The following SSH3 variants were observed in gnomAD, a reference collection of about 807,000 sequenced individuals.
SSH3 encodes the protein slingshot protein phosphatase 3, also known as protein phosphatase Slingshot homolog 3.
A neutral mutation model predicts 75.0 loss-of-function variants in SSH3; 67 were observed. The ratio of observed to expected loss-of-function variants is 0.89; its 90% confidence interval spans 0.73 to 1.10. The LOEUF (loss-of-function observed/expected upper bound fraction) is 1.10, where lower values mean the gene tolerates loss of function less well. Among genes scored for constraint, SSH3 ranks in the 50% least tolerant of loss-of-function variants. The probability of loss-of-function intolerance (pLI) is 0.00; values close to 1 mark genes in which losing one functional copy is unlikely to be tolerated. For synonymous variants in SSH3, 318 were observed against 349.2 expected (o/e 0.91, Z 1.00); for missense variants, 824 against 872.7 (o/e 0.94, Z 0.70).
chr11:67,310,140 C>T lies in SSH3; in HGVS notation c.1484C>T (p.Thr495Ile), dbSNP rs767037627. 4 of 1,614,220 alleles carry T rather than the reference C, an allele frequency of 2.5e-6. No individual in the cohort carries two copies. Among genetic ancestry groups the T allele is most frequent in the South Asian group, 1.1e-5 (1 of 91,088 alleles). ...GAGCACCCAGCCCCTGAAGTCTCTACACCATTCCCACCTCTTCCGCCAGAA... is the reference window on the plus strand; with the variant it reads ...GAGCACCCAGCCCCTGAAGTCTCTATACCATTCCCACCTCTTCCGCCAGAA... The part of the protein sequence containing the change: ...PEEHPAPEVS[T>I]PFPPLPPEPE... The change falls in exon 13 of 14, where the codon ACA becomes ATA. Residue 495 changes from threonine to isoleucine, a missense_variant. Thr to Ile is a moderately conservative substitution (Grantham distance 89, BLOSUM62 -1). Coordinates refer to ENST00000308127, the MANE Select transcript of SSH3 (RefSeq NM_017857.4).
intron 13 of SSH3, among the ~76,000 whole-genome samples, chr11:67,310,958 C>G (rs1427060536): frequency 2.0e-5 from 3 of 152,230 alleles, no homozygotes; most frequent in African/African-American, 4.8e-5. Flanking sequence ...CCAAGTCCTG[C>G]CTAAGTCAGC....
chr11:67,311,961 GT>G lies in SSH3; in HGVS notation c.*76del. 4 of 1,575,092 alleles carry G rather than the reference GT, an allele frequency of 2.5e-6. No individual in the cohort carries two copies. Among genetic ancestry groups the G allele is most frequent in the Non-Finnish European group, 3.4e-6 (4 of 1,165,018 alleles). On this transcript the variant is annotated 3_prime_UTR_variant, in exon 14 of 14. Coordinates refer to ENST00000308127, the MANE Select transcript of SSH3 (RefSeq NM_017857.4). ...TCCTTGGAGAAACACCCTCACGTCT[GT>G]TGCCGCACACATTCCTCTCAGCTCC...
At position 67,308,206 on chromosome 11, in the gene SSH3, C is replaced by G. The variant is rs1861301949; in HGVS notation, c.918C>G (p.Leu306=). 6.2e-7 allele frequency: 1 copy of G among 1,613,852 alleles called. No individual in the cohort carries two copies. The highest frequency in any genetic ancestry group is 8.5e-7 in the Non-Finnish European group (1 of 1,180,022). Residue 306 remains leucine (L), a synonymous_variant, in exon 9 of 14, where the codon CTC becomes CTG. Transcript: ENST00000308127. This position sits in a 1 kb window ranked among gnomAD's most constrained non-coding sequence, Gnocchi z 4.9. Reference sequence around the variant, plus strand: ...AGGCTCTGGAGCTGCGCCTGGGGCTCCCCCTCCAGCAGTACCGTGACTTCA... The same window carrying G: ...AGGCTCTGGAGCTGCGCCTGGGGCTGCCCCTCCAGCAGTACCGTGACTTCA... ...IRQALELRLG[L]PLQQYRDFID...
At chr11:67,305,512 G>A (rs866777764) in intron 3 of SSH3, among the ~76,000 whole-genome samples, 6 of 152,158 alleles carry the variant, frequency 3.9e-5, no homozygotes, top group South Asian at 2.1e-4. Flanking sequence ...TTGACAGGGC[G>A]AGGTCATGGC....
At chr11:67,310,784 AG>A (rs1861389055) in intron 13 of SSH3, among the ~76,000 whole-genome samples, 1 of 152,132 alleles carries the variant, frequency 6.6e-6, no homozygotes, top group Admixed American at 6.5e-5. Flanking sequence ...TCTCAGGGGC[AG>A]GGCTGCCTCC....
At position 67,310,119 on chromosome 11, in the gene SSH3, A is replaced by T. The variant is rs1474510766; in HGVS notation, c.1463A>T (p.His488Leu). 6.2e-7 allele frequency: 1 copy of T among 1,613,894 alleles called. No individual in the cohort carries two copies. Among genetic ancestry groups the T allele is most frequent in the Non-Finnish European group, 8.5e-7 (1 of 1,180,028 alleles). Residue 488 changes from histidine to leucine, a missense_variant, in exon 13 of 14, where the codon CAC (histidine) becomes CTC (leucine). Physicochemically the swap from His to Leu is moderately conservative, Grantham distance 99. Transcript: ENST00000308127. Reference protein sequence around the residue: ...QKVGGVSPEEHPAPEVSTPFP... With the variant: ...QKVGGVSPEELPAPEVSTPFP... ...GTGGGTGGGGTCTCCCCAGAGGAGC[A>T]CCCAGCCCCTGAAGTCTCTACACCA...
rs138820655 is a variant in SSH3, at chr11:67,307,597, C to T, written c.651C>T (p.Ser217=). ...AAGCATGTGAGGCAGCTCTAGGCAGCGGCCTTGTACCGGGTGGCAGTGCCC... is the reference window on the plus strand; with the variant it reads ...AAGCATGTGAGGCAGCTCTAGGCAGTGGCCTTGTACCGGGTGGCAGTGCCC... ...LHQACEAALG[S]GLVPGGSALT... Residue 217 remains serine (S), a synonymous_variant, in exon 7 of 14, where the codon AGC becomes AGT. Transcript: ENST00000308127. This position sits in a 1 kb window ranked among gnomAD's most constrained non-coding sequence, Gnocchi z 4.2. 1.0e-4 allele frequency: 169 copies of T among 1,613,518 alleles called. No individual in the cohort carries two copies. The African/African-American group carries it at 1.7e-3, about 16-fold the overall frequency.
In SSH3 at chr11:67,311,672, G is replaced by A. The variant is rs151106240; in HGVS notation, c.1765G>A (p.Val589Met). ...QLARTKGGQQ[V>M]DRGPQPALKS... ...TGCAAGGACCAAGGGAGGCCAGCAG[G>A]TGGACAGGGGGCCTCAGCCTGCCCT... The change falls in exon 14 of 14, where the codon GTG becomes ATG. Residue 589 changes from valine (V) to methionine (M), a missense_variant. By Grantham distance (21) the Val-to-Met change is conservative (BLOSUM62 1). Transcript: ENST00000308127. 7.6e-5 allele frequency: 123 copies of A among 1,614,010 alleles called. No individual in the cohort carries two copies. Among genetic ancestry groups the A allele is most frequent in the Non-Finnish European group, 9.9e-5 (117 of 1,180,044 alleles).
At position 67,312,196 on chromosome 11, in the gene SSH3, T is replaced by G; in HGVS notation, c.*309T>G. 4.6e-6 allele frequency: 2 copies of G among 430,626 alleles called. No homozygotes were observed. Among genetic ancestry groups the G allele is most frequent in the East Asian group, 4.8e-5 (1 of 20,660 alleles). The allele number at this position is 430,626 out of a possible 1,614,324, so 26.7% of individuals were successfully genotyped here. Reference sequence around the variant, plus strand: ...AGCACCCTAGTTTCATTCTCAACTCTAGCCCTGCACACTCACCTGTGGCAC... The same window carrying G: ...AGCACCCTAGTTTCATTCTCAACTCGAGCCCTGCACACTCACCTGTGGCAC... On this transcript the variant is annotated 3_prime_UTR_variant, in exon 14 of 14. Coordinates refer to ENST00000308127, the MANE Select transcript of SSH3 (RefSeq NM_017857.4).
rs755951583 is a variant in SSH3 at position 67,307,681 on chromosome 11, G to A, written c.735G>A (p.Glu245=). The change falls in exon 7 of 14, where the codon GAG becomes GAA. Residue 245 remains glutamate, a synonymous_variant. Transcript: ENST00000308127. This position sits in a 1 kb window ranked among gnomAD's most constrained non-coding sequence, Gnocchi z 4.2. The part of the protein sequence containing the change: ...RLNSEQSCLN[E]WTAMADLESL... ...ACTCCGAACAGAGCTGCCTCAATGA[G>A]TGGACGGCTATGGCCGACCTGGAGT... 32 of 1,613,970 alleles carry A rather than the reference G, an allele frequency of 2.0e-5. No homozygotes were observed. The South Asian group carries it at 2.9e-4, about 14-fold the overall frequency.
chr11:67,310,158 C>G lies in SSH3; in HGVS notation c.1502C>G (p.Pro501Arg). ...GTCTCTACACCATTCCCACCTCTTCCGCCAGAACCTGAGGGTGGTGGGGAG... is the reference window on the plus strand; with the variant it reads ...GTCTCTACACCATTCCCACCTCTTCGGCCAGAACCTGAGGGTGGTGGGGAG... The part of the protein sequence containing the change: ...PEVSTPFPPL[P>R]PEPEGGGEEK... Residue 501 changes from proline to arginine, a missense_variant, in exon 13 of 14, where the codon CCG (proline) becomes CGG (arginine). Pro to Arg is a moderately radical substitution (Grantham distance 103). Coordinates refer to ENST00000308127, the MANE Select transcript of SSH3 (RefSeq NM_017857.4). The G allele has an allele frequency of 1.9e-6, 3 of 1,614,246 alleles. No individual in the cohort carries two copies. Among genetic ancestry groups the G allele is most frequent in the Non-Finnish European group, 2.5e-6 (3 of 1,180,044 alleles).
intron 3 of SSH3, 72 bp downstream of exon 3, chr11:67,305,079 A>C: frequency 6.9e-7 from 1 of 1,443,592 alleles, no homozygotes; most frequent in East Asian, 2.5e-5. Flanking sequence ...AGCCCTGTGT[A>C]TGTGTCTGCT....
At position 67,311,820 on chromosome 11, in the gene SSH3, C is replaced by T. The variant is rs750507786; in HGVS notation, c.1913C>T (p.Thr638Met). Residue 638 changes from threonine (T) to methionine (M), a missense_variant, in exon 14 of 14, where the codon ACG becomes ATG. By Grantham distance (81) the Thr-to-Met change is moderately conservative. Transcript: ENST00000308127. Reference protein sequence around the residue: ...QGQGEPCISSTPRFRKVVRQA... With the variant: ...QGQGEPCISSMPRFRKVVRQA... ...CAGGGAGAGCCCTGCATTTCCTCTA[C>T]GCCCAGGTTCCGGAAGGTGGTGAGA... 25 of 1,613,120 alleles carry T rather than the reference C, an allele frequency of 1.5e-5. No homozygotes were observed. Among genetic ancestry groups the T allele is most frequent in the East Asian group, 4.5e-5 (2 of 44,898 alleles).
chr11:67,307,815 G>A lies in SSH3; in HGVS notation c.792-31G>A. 1 of 1,614,092 alleles carries A rather than the reference G, an allele frequency of 6.2e-7. No individual in the cohort carries two copies. Among genetic ancestry groups the A allele is most frequent in the Non-Finnish European group, 8.5e-7 (1 of 1,180,000 alleles). On this transcript the variant is annotated intron_variant, in intron 7 of 13. Transcript: ENST00000308127. This position sits in a 1 kb window ranked among gnomAD's most constrained non-coding sequence, Gnocchi z 4.2. ...TGGGGGGCATGGTGGAGAGGGGAAA[G>A]GGCCCCTTGACTGAGGGGCTCTGCT... is the stretch of plus-strand genomic sequence containing the variant.
intron 13 of SSH3, among the ~76,000 whole-genome samples, chr11:67,310,874 C>G (rs1478196618): frequency 1.3e-5 from 2 of 152,196 alleles, no homozygotes; most frequent in African/African-American, 4.8e-5. Flanking sequence ...AAATTAATCT[C>G]TGAAGCCCCT....
In SSH3 at chr11:67,307,852, A is replaced by G. The variant is rs1409797760; in HGVS notation, c.798A>G (p.Ser266=). The change falls in exon 8 of 14, where the codon TCA becomes TCG. Residue 266 remains serine, a synonymous_variant. Transcript: ENST00000308127. This position sits in a 1 kb window ranked among gnomAD's most constrained non-coding sequence, Gnocchi z 4.2. ...TGAGGGGCTCTGCTCCCAGGTCCTCAGAACAGGAGCAGATGGAGCAGGCGA... is the reference window on the plus strand; with the variant it reads ...TGAGGGGCTCTGCTCCCAGGTCCTCGGAACAGGAGCAGATGGAGCAGGCGA... ...RPPSAEPGGS[S]EQEQMEQAIR... is the part of the protein sequence containing the mutation. 1.9e-6 allele frequency: 3 copies of G among 1,614,240 alleles called. No individual in the cohort carries two copies. The highest frequency in any genetic ancestry group is 2.5e-6 in the Non-Finnish European group (3 of 1,180,042).
intron 2 of SSH3, 30 bp downstream of exon 2, chr11:67,304,185 T>C: frequency 6.5e-7 from 1 of 1,535,584 alleles, no homozygotes. Flanking sequence ...CGCAGACACT[T>C]CCGTCTGCCC....
Position 67,307,614 on chromosome 11 carries a change from G to A in SSH3, c.668G>A (p.Gly223Asp), listed in dbSNP as rs1220110774. Residue 223 changes from glycine to aspartate, a missense_variant, in exon 7 of 14, where the codon GGC becomes GAC. Physicochemically the swap from Gly to Asp is moderately conservative, Grantham distance 94 (BLOSUM62 -1). Coordinates refer to ENST00000308127, the MANE Select transcript of SSH3 (RefSeq NM_017857.4). The surrounding 1 kb of genome is among the most constrained non-coding windows in gnomAD (Gnocchi z 4.2). ...CTAGGCAGCGGCCTTGTACCGGGTG[G>A]CAGTGCCCTCACCTGGGCCAGCCAC... ...AALGSGLVPG[G>D]SALTWASHYQ... The A allele has an allele frequency of 6.2e-7, 1 of 1,613,706 alleles. No individual in the cohort carries two copies. Among genetic ancestry groups the A allele is most frequent in the African/African-American group, 1.3e-5 (1 of 74,938 alleles).
In SSH3 at chr11:67,307,453, C is replaced by T; in HGVS notation, c.602+17C>T. On this transcript the variant is annotated intron_variant, in intron 6 of 13. Transcript: ENST00000308127. The surrounding 1 kb of genome is among the most constrained non-coding windows in gnomAD (Gnocchi z 4.2). ...GACCATGTGGTAAGGACAGAGACTG[C>T]CTGGACTCAGGCCAGCCTCTCCTTC... is the stretch of plus-strand genomic sequence containing the variant. 6.2e-7 allele frequency: 1 copy of T among 1,613,916 alleles called. No individual in the cohort carries two copies. The highest frequency in any genetic ancestry group is 8.5e-7 in the Non-Finnish European group (1 of 1,179,990).
Sources: gnomAD v4.1 joint callset for allele counts (sites outside exome capture counted in the v4.1 genomes callset) on GRCh38, gnomAD v4.1.1 for gene constraint, Gnocchi (gnomAD v3.1) non-coding constraint, MANE v1.5 for transcripts, NCBI Gene and HGNC (gene_info 2026-07-23, HGNC 2026-07-21) for gene names.